AGAP1: variants seen among roughly 807,000 people sequenced by gnomAD.
The protein encoded by AGAP1 is ArfGAP with GTPase domain, ankyrin repeat and PH domain 1, also known as arf-GAP with GTPase, ANK repeat and PH domain-containing protein 1.
Under a neutral mutation model 105.3 loss-of-function variants are expected in AGAP1, and 29 were observed. The observed-to-expected ratio is 0.28, with a 90% CI of 0.21 to 0.38. The LOEUF (loss-of-function observed/expected upper bound fraction) is 0.38. AGAP1 is among the 10% of genes least tolerant of loss of function. The pLI is 1.00. For synonymous variants in AGAP1, 509 were observed against 485.9 expected (o/e 1.05, Z -0.63); for missense variants, 998 against 1,165.1 (o/e 0.86, Z 2.09).
intron 16 of AGAP1, among the ~76,000 whole-genome samples, chr2:236,094,026 C>T (rs1324386159): frequency 2.6e-5 from 4 of 152,126 alleles, no homozygotes; most frequent in Non-Finnish European, 4.4e-5. Context: ...ATGGCTGTAA[C>T]AGGTACAAGC....
At position 235,976,290 on chromosome 2, in the gene AGAP1, TC is replaced by T. The variant is rs142713776; in HGVS notation, c.1645+7668del. Among the ~76,000 whole-genome samples, 8 of 152,240 alleles carry T rather than the reference TC, an allele frequency of 5.3e-5. No individual in the cohort carries two copies. The highest frequency in any genetic ancestry group is 1.9e-4 in the African/African-American group (8 of 41,550). On this transcript the variant is annotated intron_variant, in intron 13 of 17. Transcript: ENST00000304032. This position sits in a 1 kb window ranked among gnomAD's most constrained non-coding sequence, Gnocchi z 4.5. The stretch of plus-strand genomic sequence containing the variant: ...AATGAACTTGCTGAAATTGAGTAGA[TC>T]ATCTGGGTTTACTCTAGACATTGAC...
At chr2:235,536,899 C>G (rs546619271) in intron 1 of AGAP1, among the ~76,000 whole-genome samples, 78 of 152,172 alleles carry the variant, frequency 5.1e-4, no homozygotes, top group Non-Finnish European at 1.1e-3. Flanking sequence ...TCTCCCTTCC[C>G]TCTGTAGTTG....
rs935720467 is a variant in AGAP1, at chr2:236,056,669, ACT to A, written c.2114+7393_2114+7394del. On this transcript the variant is annotated intron_variant, in intron 16 of 17. Coordinates refer to ENST00000304032, the MANE Select transcript of AGAP1 (RefSeq NM_001037131.3). This position sits in a 1 kb window ranked among gnomAD's most constrained non-coding sequence, Gnocchi z 4.6. ...GTGTTTTGCTTATTTTGCACCAGAG[ACT>A]CTCTGTCTTCTAGTGAACTTTTCTC... Among the ~76,000 whole-genome samples the A allele has an allele frequency of 7.9e-5, 12 of 151,740 alleles. No homozygotes were observed. Among genetic ancestry groups the A allele is most frequent in the African/African-American group, 9.7e-5 (4 of 41,244 alleles).
At chr2:235,757,854 T>C (rs908048309) in intron 6 of AGAP1, among the ~76,000 whole-genome samples, 4 of 152,160 alleles carry the variant, frequency 2.6e-5, no homozygotes, top group African/African-American at 9.7e-5. Context: ...AGGGGAGCTA[T>C]GTTAATGAGT....
chr2:235,783,660 T>C (rs933753924), intron 6 of AGAP1, among the ~76,000 whole-genome samples: 18 of 152,008 alleles, frequency 1.2e-4, no homozygotes, highest in African/African-American at 3.9e-4. Flanking sequence ...TATGAAGTTC[T>C]ACAACGGGCA....
intron 6 of AGAP1, among the ~76,000 whole-genome samples, chr2:235,770,151 G>A (rs1329970988): frequency 1.9e-4 from 17 of 87,484 alleles, no homozygotes; most frequent in East Asian, 7.7e-4. Context: ...TTTTTGAGAC[G>A]GAGTCTCACT....
intron 13 of AGAP1, among the ~76,000 whole-genome samples, chr2:236,028,096 A>T (rs2057112032): frequency 6.6e-6 from 1 of 152,172 alleles, no homozygotes; most frequent in South Asian, 2.1e-4. Flanking sequence ...TGTGAAGCTT[A>T]GCTGTGCTTT....
intron 16 of AGAP1, 97 bp downstream of exon 16, chr2:236,049,378 A>G (rs1022489533): frequency 8.7e-7 from 1 of 1,145,804 alleles, no homozygotes; most frequent in African/African-American, 1.5e-5. Context: ...GAAGGCCCTG[A>G]TAACCTGTAG....
In AGAP1 at chr2:236,090,566, G is replaced by A. The variant is rs1446606171; in HGVS notation, c.2115-29626G>A. 1.3e-5 allele frequency among the ~76,000 whole-genome samples: 2 copies of A among 152,214 alleles called. No homozygotes were observed. Among genetic ancestry groups the A allele is most frequent in the East Asian group, 3.9e-4 (2 of 5,166 alleles). ...AGTGAGAGGCGGGGGTCGGAGGGAG[G>A]CCTTCCTCCTGCAGCGTGTTTCCAG... is the stretch of plus-strand genomic sequence containing the variant. On this transcript the variant is annotated intron_variant, in intron 16 of 17. Coordinates refer to ENST00000304032, the MANE Select transcript of AGAP1 (RefSeq NM_001037131.3). This position sits in a 1 kb window ranked among gnomAD's most constrained non-coding sequence, Gnocchi z 4.3.
chr2:235,524,481 G>A (rs1942752817), intron 1 of AGAP1: 3 of 322,244 alleles, frequency 9.3e-6, no homozygotes, highest in South Asian at 5.4e-5. Flanking sequence ...GATGCGATGG[G>A]CAGTTGCTTG....
chr2:235,885,894 C>G (rs1482758235), intron 10 of AGAP1, among the ~76,000 whole-genome samples: 1 of 152,198 alleles, frequency 6.6e-6, no homozygotes, highest in East Asian at 1.9e-4. Flanking sequence ...AAGGAAATTC[C>G]TTTGTGCTCA....
At chr2:235,812,139 A>G (rs1270049401) in intron 9 of AGAP1, among the ~76,000 whole-genome samples, 1 of 151,900 alleles carries the variant, frequency 6.6e-6, no homozygotes, top group Non-Finnish European at 1.5e-5. Context: ...CGGTGGATGC[A>G]CCAAAGGAGC....
At chr2:235,804,233 G>A (rs1169959644) in intron 8 of AGAP1, among the ~76,000 whole-genome samples, 1 of 152,136 alleles carries the variant, frequency 6.6e-6, no homozygotes, top group East Asian at 1.9e-4. Context: ...TGTGAGTCTT[G>A]AAATTATACA....
rs34419216 is a variant in AGAP1, at chr2:236,098,620, C to CTTTTTTTTTTTTTTTTTTTTTTTT, written c.2115-21553_2115-21552insTTTTTTTTTTTTTTTTTTTTTTTT. Reference sequence around the variant, plus strand: ...GCTGACTTGATGAAATCTTTTTTTCCTTTTTTTTTTTTTTTTTTTAGAGAA... The same window carrying CTTTTTTTTTTTTTTTTTTTTTTTT: ...GCTGACTTGATGAAATCTTTTTTTCCTTTTTTTTTTTTTTTTTTTTTTTTTTTTTTTTTTTTTTTTTTTAGAGAA... On this transcript the variant is annotated intron_variant, in intron 16 of 17. Transcript: ENST00000304032. 7.1e-3 allele frequency among the ~76,000 whole-genome samples: 813 copies of CTTTTTTTTTTTTTTTTTTTTTTTT among 115,136 alleles called. 45 individuals are homozygous for CTTTTTTTTTTTTTTTTTTTTTTTT. Among genetic ancestry groups the CTTTTTTTTTTTTTTTTTTTTTTTT allele is most frequent in the East Asian group, 0.014 (54 of 3,884 alleles). The allele number at this position is 115,136 out of a possible 152,430, so 75.5% of individuals were successfully genotyped here.
At chr2:236,047,865 G>A (rs1287857237) in intron 15 of AGAP1, among the ~76,000 whole-genome samples, 1 of 151,872 alleles carries the variant, frequency 6.6e-6, no homozygotes, top group East Asian at 1.9e-4. Context: ...GCCTCCCAAA[G>A]TGCTGGGATT....
rs1443016436 is a variant in AGAP1 at position 236,078,073 on chromosome 2, G to GTGTGTA, written c.2114+28793_2114+28794insGTGTAT. On this transcript the variant is annotated intron_variant, in intron 16 of 17. Coordinates refer to ENST00000304032, the MANE Select transcript of AGAP1 (RefSeq NM_001037131.3). This position sits in a 1 kb window ranked among gnomAD's most constrained non-coding sequence, Gnocchi z 5.3. The stretch of plus-strand genomic sequence containing the variant: ...TGTGTGTGTGTGTGTGTGTGTGTGT[G>GTGTGTA]TAATCTGAAGTGTGTAGGGCAGGCC... Among the ~76,000 whole-genome samples, 1 of 149,820 alleles carries GTGTGTA rather than the reference G, an allele frequency of 6.7e-6. No individual in the cohort carries two copies. The highest frequency in any genetic ancestry group is 1.9e-4 in the East Asian group (1 of 5,144).
rs1016559584 is a variant in AGAP1, at chr2:235,865,440, G to A, written c.1051-17905G>A. On this transcript the variant is annotated intron_variant, in intron 9 of 17. Coordinates refer to ENST00000304032, the MANE Select transcript of AGAP1 (RefSeq NM_001037131.3). This position sits in a 1 kb window ranked among gnomAD's most constrained non-coding sequence, Gnocchi z 6.2. ...GCCGTGCGCAATCGGGGCTTTATAC[G>A]ATTGCTGGAGATGCTGACAGCTCAA... 6.6e-6 allele frequency among the ~76,000 whole-genome samples: 1 copy of A among 152,192 alleles called. No individual in the cohort carries two copies. The highest frequency in any genetic ancestry group is 1.5e-5 in the Non-Finnish European group (1 of 68,036).
At chr2:235,911,961 G>A (rs987376763) in intron 11 of AGAP1, among the ~76,000 whole-genome samples, 3 of 152,228 alleles carry the variant, frequency 2.0e-5, no homozygotes, top group Non-Finnish European at 4.4e-5. Flanking sequence ...CCACAGCAGT[G>A]CTAAGGGAAG....
At chr2:235,968,146 C>G (rs1015120675) in intron 12 of AGAP1, among the ~76,000 whole-genome samples, 1 of 152,140 alleles carries the variant, frequency 6.6e-6, no homozygotes, top group Non-Finnish European at 1.5e-5. Context: ...AACTAAAAAG[C>G]ATAAACTCAC....
Sources: allele counts gnomAD v4.1 joint callset (sites outside exome capture counted in the v4.1 genomes callset), GRCh38; gene constraint gnomAD v4.1.1; non-coding constraint Gnocchi (gnomAD v3.1); transcripts MANE v1.5; gene names NCBI Gene and HGNC (gene_info 2026-07-23, HGNC 2026-07-21).